COL24A1: variants seen among roughly 807,000 people sequenced by gnomAD.
COL24A1 encodes collagen type XXIV alpha 1 chain.
In COL24A1, 224 loss-of-function variants were observed where a neutral mutation model predicts 253.9. That is an observed-to-expected ratio of 0.88 (90% CI 0.79 to 0.99). The LOEUF (loss-of-function observed/expected upper bound fraction) is 0.99, where lower values mean the gene tolerates loss of function less well. Among genes scored for constraint, COL24A1 ranks in the 50% least tolerant of loss-of-function variants. COL24A1 has a pLI of 0.00. For missense variants in COL24A1, 2,131 were observed against 2,068.5 expected, an observed-to-expected ratio of 1.03 and a Z score of -0.59; for synonymous variants, 685 against 673.7, an observed-to-expected ratio of 1.02 and a Z score of -0.26.
Position 85,786,356 on chromosome 1 carries a change from T to C in COL24A1, c.4057A>G (p.Lys1353Glu). 6.2e-7 allele frequency: 1 copy of C among 1,613,504 alleles called. No homozygotes were observed. The change falls in exon 48 of 60, where the codon AAG becomes GAG. Residue 1353 changes from lysine to glutamate, a missense_variant and splice_region_variant. Physicochemically the swap from Lys to Glu is moderately conservative, Grantham distance 56 (BLOSUM62 1). Coordinates refer to ENST00000370571, the MANE Select transcript of COL24A1 (RefSeq NM_152890.7). ...LPGSPGIQGP[K>E]GEQGLPGQPG... Reference sequence around the variant, plus strand: ...ATTGGAACAAAATATTAAAGTACCTTTGGGCCTTGAATTCCTGGGCTTCCT... The same window carrying C: ...ATTGGAACAAAATATTAAAGTACCTCTGGGCCTTGAATTCCTGGGCTTCCT...
At position 85,893,769 on chromosome 1, in the gene COL24A1, C is replaced by T. The variant is rs573094401; in HGVS notation, c.2922+2089G>A. Among the ~76,000 whole-genome samples, 9 of 152,122 alleles carry T rather than the reference C, an allele frequency of 5.9e-5. No homozygotes were observed. The East Asian group carries it at 1.2e-3, about 20-fold the overall frequency. ...TTTAGAGATGGAGAGGGTCTTAGAGCTCTTATCCCAACCATTTTTTAAAAT... is the reference window on the plus strand; with the variant it reads ...TTTAGAGATGGAGAGGGTCTTAGAGTTCTTATCCCAACCATTTTTTAAAAT... On this transcript the variant is annotated intron_variant, in intron 31 of 59. Transcript: ENST00000370571.
At chr1:85,818,764 T>C (rs1673299194) in intron 45 of COL24A1, among the ~76,000 whole-genome samples, 1 of 152,198 alleles carries the variant, frequency 6.6e-6, no homozygotes, top group African/African-American at 2.4e-5. Context: ...GAAGAAAATG[T>C]GGAAAAGGTG....
intron 1 of COL24A1, among the ~76,000 whole-genome samples, chr1:86,150,349 G>C (rs1036617434): frequency 3.9e-5 from 6 of 152,160 alleles, no homozygotes; most frequent in African/African-American, 1.4e-4. Flanking sequence ...GTGTACCCAT[G>C]TGTTACATGA....
At chr1:86,041,053 GTTTACTTCAAA>G (rs1462432042) in intron 12 of COL24A1, among the ~76,000 whole-genome samples, 1 of 152,064 alleles carries the variant, frequency 6.6e-6, no homozygotes, top group Non-Finnish European at 1.5e-5. Flanking sequence ...CCAAAATACA[GTTTACTTCAAA>G]TACACTCTTC....
intron 55 of COL24A1, among the ~76,000 whole-genome samples, chr1:85,748,557 G>C (rs967249136): frequency 6.6e-6 from 1 of 151,872 alleles, no homozygotes; most frequent in African/African-American, 2.4e-5. Context: ...GAACAGCTCC[G>C]GTCTACAGCT....
intron 57 of COL24A1, among the ~76,000 whole-genome samples, chr1:85,738,825 C>T (rs1664323464): frequency 6.6e-6 from 1 of 152,136 alleles, no homozygotes; most frequent in Admixed American, 6.5e-5. Flanking sequence ...TGCTTACTTG[C>T]TTAATTGGTA....
intron 52 of COL24A1, among the ~76,000 whole-genome samples, chr1:85,779,872 A>G (rs17128287): frequency 0.011 from 1,605 of 152,272 alleles, 58 homozygotes; most frequent in Admixed American, 0.064. Context: ...TCTTCTCAGA[A>G]TGGAAAAAAT....
chr1:85,827,933 GT>G (rs1409169323), intron 43 of COL24A1, among the ~76,000 whole-genome samples: 6 of 151,902 alleles, frequency 3.9e-5, no homozygotes, highest in African/African-American at 1.5e-4. Flanking sequence ...CAGTTCTGCT[GT>G]GATTTTAGTT....
At chr1:85,826,199 T>C (rs78918250) in intron 43 of COL24A1, among the ~76,000 whole-genome samples, 50,705 of 133,558 alleles carry the variant, frequency 0.38, 9,846 homozygotes, top group African/African-American at 0.42. Context: ...CCCCATTGCT[T>C]GTTTTTCTCA....
chr1:85,923,689 A>G (rs1251507754), intron 24 of COL24A1, among the ~76,000 whole-genome samples: 1 of 152,242 alleles, frequency 6.6e-6, no homozygotes, highest in Non-Finnish European at 1.5e-5. Context: ...AGGGAAATTT[A>G]GAGCACTAAA....
intron 18 of COL24A1, among the ~76,000 whole-genome samples, chr1:86,020,716 TA>T (rs1375347159): frequency 6.6e-6 from 1 of 152,076 alleles, no homozygotes; most frequent in Non-Finnish European, 1.5e-5. Context: ...TCACATTATT[TA>T]AAAAAAAGAA....
At chr1:85,980,094 C>T (rs539902118) in intron 20 of COL24A1, among the ~76,000 whole-genome samples, 13 of 152,144 alleles carry the variant, frequency 8.5e-5, no homozygotes, top group African/African-American at 2.9e-4. Flanking sequence ...ATCATATGAT[C>T]ATTTCAATAG....
intron 47 of COL24A1, among the ~76,000 whole-genome samples, chr1:85,816,081 G>T (rs1673014511): frequency 6.6e-6 from 1 of 152,026 alleles, no homozygotes; most frequent in African/African-American, 2.4e-5. Context: ...GGCTGATTTG[G>T]CTACTACCCC....
intron 53 of COL24A1, among the ~76,000 whole-genome samples, chr1:85,770,915 G>A (rs1667884279): frequency 6.6e-6 from 1 of 152,274 alleles, no homozygotes; most frequent in Middle Eastern, 3.4e-3. Flanking sequence ...GACATAGTGG[G>A]TATATGCCTA....
At chr1:86,151,050 G>A (rs1652694347) in intron 1 of COL24A1, among the ~76,000 whole-genome samples, 1 of 152,048 alleles carries the variant, frequency 6.6e-6, no homozygotes, top group Non-Finnish European at 1.5e-5. Flanking sequence ...AGGTGTGTGT[G>A]TGTGTGTATA....
chr1:85,913,197 G>T (rs1476077779), intron 24 of COL24A1, among the ~76,000 whole-genome samples: 1 of 152,110 alleles, frequency 6.6e-6, no homozygotes, highest in Admixed American at 6.6e-5. Flanking sequence ...CATGTGCATG[G>T]AATTCACTGG....
chr1:86,108,027 G>C (rs1195003835), intron 5 of COL24A1, among the ~76,000 whole-genome samples: 1 of 151,996 alleles, frequency 6.6e-6, no homozygotes, highest in Non-Finnish European at 1.5e-5. Context: ...ATATCTTATT[G>C]GTGAATAGTT....
At chr1:85,736,264 A>T in intron 58 of COL24A1, 1 of 456,120 alleles carries the variant, frequency 2.2e-6, no homozygotes, top group South Asian at 1.5e-5. Context: ...TCATCCCAGT[A>T]CTTCTCTGGT....
chr1:85,868,383 T>C, intron 37 of COL24A1, 136 bp downstream of exon 37: 2 of 535,488 alleles, frequency 3.7e-6, no homozygotes, highest in South Asian at 8.5e-5. Context: ...CTTTTCCTTC[T>C]CTCTAGCCAC....
Sources: allele counts gnomAD v4.1 joint callset (sites outside exome capture counted in the v4.1 genomes callset), GRCh38; gene constraint gnomAD v4.1.1; transcripts MANE v1.5; gene names NCBI Gene and HGNC (gene_info 2026-07-23, HGNC 2026-07-21).